The following PCDH15 variants were observed in gnomAD, a reference collection of about 807,000 sequenced individuals.
PCDH15 encodes the protein protocadherin-15.
In PCDH15, 129 loss-of-function variants were observed where a neutral mutation model predicts 178.5. The observed-to-expected ratio is 0.72, with a 90% CI of 0.63 to 0.84. The LOEUF is 0.84. Ranked by LOEUF, PCDH15 falls within the 40% of genes least tolerant of loss-of-function variation. PCDH15 has a pLI of 0.00. For missense variants in PCDH15, 2,230 were observed against 2,099.9 expected (o/e 1.06, Z -1.21); for synonymous variants, 800 against 732.0 (o/e 1.09, Z -1.50).
At chr10:54,653,231 TAACA>T (rs1281375517) in intron 2 of PCDH15, among the ~76,000 whole-genome samples, 1 of 152,194 alleles carries the variant, frequency 6.6e-6, no homozygotes, top group Non-Finnish European at 1.5e-5. Flanking sequence ...TGAAAACAGC[TAACA>T]GAGTATCCAC....
chr10:54,731,563 TACACACAC>T (rs1159070523), intron 1 of PCDH15, among the ~76,000 whole-genome samples: 3 of 49,912 alleles, frequency 6.0e-5, no homozygotes, highest in African/African-American at 1.3e-4. Flanking sequence ...TATATATATA[TACACACAC>T]ACACACACAC....
rs568314182 is a variant in PCDH15 at position 53,936,230 on chromosome 10, T to C, written c.3373+2585A>G. Among the ~76,000 whole-genome samples, 6 of 152,304 alleles carry C rather than the reference T, an allele frequency of 3.9e-5. No individual in the cohort carries two copies. In the East Asian group the frequency reaches 7.7e-4, roughly 20 times the overall value. ...AGACCTATCAACCAATGGCAATGTA[T>C]AGACCTTATTTTGATTCTGATGTAA... On this transcript the variant is annotated intron_variant, in intron 25 of 37. Coordinates refer to ENST00000644397, the MANE Select transcript of PCDH15 (RefSeq NM_001384140.1).
At chr10:54,516,309 A>G (rs1272314286) in intron 3 of PCDH15, among the ~76,000 whole-genome samples, 1 of 16,324 alleles carries the variant, frequency 6.1e-5, no homozygotes. Context: ...AAAAACTTTG[A>G]AAAAAAAAAT....
At chr10:55,354,242 C>T (rs558148460) in intron 2 of PCDH15, among the ~76,000 whole-genome samples, 5 of 152,202 alleles carry the variant, frequency 3.3e-5, no homozygotes, top group African/African-American at 1.2e-4. Flanking sequence ...CCAACCTCTG[C>T]CTCTATCACC....
rs764072223 is a variant in PCDH15, at chr10:54,195,872, A to C, written c.1116T>G (p.Gly372=). 1 of 1,613,724 alleles carries C rather than the reference A, an allele frequency of 6.2e-7. No individual in the cohort carries two copies. Among genetic ancestry groups the C allele is most frequent in the Non-Finnish European group, 8.5e-7 (1 of 1,179,678 alleles). Residue 372 remains glycine (G), a synonymous_variant, in exon 11 of 38, where the codon GGT becomes GGG. Transcript: ENST00000644397. The stretch of plus-strand genomic sequence containing the variant: ...GACCGGCAAAGGCAGGAAGAGGATG[A>C]CCATTGTCTTGTTCAGCCTAAAATT... ...DLVIKAEQDN[G]HPLPAFAGLH...
At chr10:55,060,486 C>A (rs1052779662) in intron 2 of PCDH15, among the ~76,000 whole-genome samples, 2 of 151,812 alleles carry the variant, frequency 1.3e-5, no homozygotes, top group Non-Finnish European at 2.9e-5. Context: ...TATTCAAAGT[C>A]AAATGAGCTA....
At chr10:55,513,427 A>G (rs2132154462) in intron 2 of PCDH15, among the ~76,000 whole-genome samples, 1 of 152,076 alleles carries the variant, frequency 6.6e-6, no homozygotes, top group East Asian at 1.9e-4. Context: ...CCTTTCTTTC[A>G]ATTAGAGTTC....
At chr10:55,525,873 T>G (rs781627732) in intron 2 of PCDH15, among the ~76,000 whole-genome samples, 1 of 151,836 alleles carries the variant, frequency 6.6e-6, no homozygotes, top group African/African-American at 2.4e-5. Context: ...GCACAGAAGA[T>G]CAGAGAGAAG....
At chr10:54,810,709 A>G (rs1952849605) in intron 3 of PCDH15, among the ~76,000 whole-genome samples, 2 of 152,282 alleles carry the variant, frequency 1.3e-5, no homozygotes, top group Middle Eastern at 3.4e-3. Flanking sequence ...ACCCTATTTG[A>G]AAATATGAGA....
At chr10:55,012,153 C>T (rs1330132304) in intron 2 of PCDH15, among the ~76,000 whole-genome samples, 1 of 151,980 alleles carries the variant, frequency 6.6e-6, no homozygotes, top group Non-Finnish European at 1.5e-5. Flanking sequence ...TAAAAATAAT[C>T]AAGTTGATAC....
chr10:54,634,796 G>A (rs951954964), intron 2 of PCDH15, among the ~76,000 whole-genome samples: 6 of 151,894 alleles, frequency 4.0e-5, no homozygotes, highest in Admixed American at 1.3e-4. Context: ...CACATAGTTA[G>A]GCATCTTCAC....
chr10:54,956,907 C>T (rs778529643), intron 2 of PCDH15, among the ~76,000 whole-genome samples: 2 of 151,402 alleles, frequency 1.3e-5, no homozygotes, highest in Admixed American at 6.6e-5. Context: ...GGAATATGCT[C>T]GAAATCAAAC....
intron 2 of PCDH15, among the ~76,000 whole-genome samples, chr10:55,535,495 A>G (rs565205230): frequency 6.6e-6 from 1 of 152,236 alleles, no homozygotes; most frequent in Admixed American, 6.6e-5. Context: ...GACAACTCCA[A>G]TGTACAAGAC....
intron 17 of PCDH15, among the ~76,000 whole-genome samples, 184 bp downstream of exon 17, chr10:54,079,147 A>T (rs534910167): frequency 2.0e-5 from 3 of 152,338 alleles, no homozygotes; most frequent in African/African-American, 7.2e-5. Context: ...TTGCAGCACA[A>T]TAGCAAATTC....
chr10:54,599,066 C>T (rs10128136), intron 2 of PCDH15, among the ~76,000 whole-genome samples: 22,376 of 151,820 alleles, frequency 0.15, 1,853 homozygotes, highest in Non-Finnish European at 0.18. Flanking sequence ...GCAATTTGTA[C>T]ATAAAATGTT....
chr10:54,194,690 A>T (rs2049407896), intron 11 of PCDH15, among the ~76,000 whole-genome samples: 1 of 145,370 alleles, frequency 6.9e-6, no homozygotes, highest in Admixed American at 6.9e-5. Flanking sequence ...CTATCTATCT[A>T]TATCTGTATG....
chr10:54,942,295 G>A (rs1300169196), intron 2 of PCDH15, among the ~76,000 whole-genome samples: 1 of 152,014 alleles, frequency 6.6e-6, no homozygotes, highest in African/African-American at 2.4e-5. Context: ...GGAGATGTGG[G>A]TTGTGGTGCC....
intron 8 of PCDH15, among the ~76,000 whole-genome samples, chr10:54,240,634 T>C (rs1171287682): frequency 3.1e-4 from 42 of 136,696 alleles, no homozygotes; most frequent in African/African-American, 1.1e-3. Flanking sequence ...TGCTTTTTTT[T>C]TTTTTTTTTT....
chr10:55,127,378 A>C (rs16907003), intron 2 of PCDH15, among the ~76,000 whole-genome samples: 34,904 of 151,906 alleles, frequency 0.23, 4,790 homozygotes, highest in African/African-American at 0.38. Context: ...CAACTGGTTT[A>C]TTTATGCCCT....
Sources: allele counts gnomAD v4.1 joint callset (sites outside exome capture counted in the v4.1 genomes callset), GRCh38; gene constraint gnomAD v4.1.1; transcripts MANE v1.5; gene names NCBI Gene and HGNC (gene_info 2026-07-23, HGNC 2026-07-21).